NUDT13: variants seen among roughly 807,000 people sequenced by gnomAD.
NUDT13 encodes nudix hydrolase 13.
A neutral mutation model predicts 41.7 loss-of-function variants in NUDT13; 40 were observed. That is an observed-to-expected ratio of 0.96 (90% CI 0.75 to 1.25). NUDT13 has a LOEUF of 1.25. NUDT13 is among the 50% of genes most tolerant of loss of function. NUDT13 has a pLI of 0.00. For missense variants in NUDT13, 390 were observed against 416.1 expected, an observed-to-expected ratio of 0.94 and a Z score of 0.55; for synonymous variants, 145 against 155.5, an observed-to-expected ratio of 0.93 and a Z score of 0.50.
chr10:73,119,899 AT>A, intron 2 of NUDT13, 118 bp from the exon 3 acceptor site: 1 of 1,098,438 alleles, frequency 9.1e-7, no homozygotes, highest in South Asian at 1.5e-5. Flanking sequence ...TAGGTTGTAA[AT>A]AAATAAAGGG....
chr10:73,127,803 G>A (rs1842830195), intron 8 of NUDT13, among the ~76,000 whole-genome samples: 1 of 145,920 alleles, frequency 6.9e-6, no homozygotes, highest in Non-Finnish European at 1.5e-5. Flanking sequence ...AAATTTTTAT[G>A]TGTATAATAT....
In NUDT13 at chr10:73,131,072, T is replaced by G; in HGVS notation, c.*169T>G. 1.9e-6 allele frequency: 1 copy of G among 530,292 alleles called. No homozygotes were observed. 32.8% of individuals were successfully genotyped at this position (530,292 alleles called of 1,614,324 possible). A position where few individuals can be genotyped will look rare whatever the true frequency, so the allele number is the denominator to read the frequency against. On this transcript the variant is annotated 3_prime_UTR_variant, in exon 9 of 9. Transcript: ENST00000357321. ...CTATCAGCAGTGTTAATGGAAGAAA[T>G]TCCTACCAATGGGCAATCAAAAAAG...
intron 7 of NUDT13, chr10:73,126,350 A>G (rs1249554362): frequency 4.4e-6 from 1 of 227,752 alleles, no homozygotes. Context: ...GCTAGAATTC[A>G]GTATTTATTT....
At chr10:73,114,047 A>C (rs939183960) in intron 1 of NUDT13, among the ~76,000 whole-genome samples, 5 of 152,172 alleles carry the variant, frequency 3.3e-5, no homozygotes, top group South Asian at 4.1e-4. Context: ...CTTCTGAAAA[A>C]ATTTCCTAAT....
rs1199374867 is a variant in NUDT13 at position 73,130,945 on chromosome 10, G to A, written c.*42G>A. On this transcript the variant is annotated 3_prime_UTR_variant, in exon 9 of 9. Transcript: ENST00000357321. ...TAGATCGCTCCTTGGTATTCCTGAGGGACAAACTAGAGATCAGTTGACAAA... is the reference window on the plus strand; with the variant it reads ...TAGATCGCTCCTTGGTATTCCTGAGAGACAAACTAGAGATCAGTTGACAAA... 1 of 1,516,890 alleles carries A rather than the reference G, an allele frequency of 6.6e-7. No individual in the cohort carries two copies. The highest frequency in any genetic ancestry group is 1.1e-5 in the South Asian group (1 of 88,626). 94.0% of individuals were successfully genotyped at this position (1,516,890 alleles called of 1,614,324 possible).
At position 73,122,189 on chromosome 10, in the gene NUDT13, C is replaced by G; in HGVS notation, c.238C>G (p.Leu80Val). 19 of 1,612,834 alleles carry G rather than the reference C, an allele frequency of 1.2e-5. No homozygotes were observed. The highest frequency in any genetic ancestry group is 1.4e-5 in the Non-Finnish European group (17 of 1,179,696). ...CTGTTTCTTAGAGTTGGAAAGGCTCCTGGGTAAATTTGGACAGGATGCACA... is the reference window on the plus strand; with the variant it reads ...CTGTTTCTTAGAGTTGGAAAGGCTCGTGGGTAAATTTGGACAGGATGCACA... ...RHSLLELERL[L>V]GKFGQDAQRI... Residue 80 changes from leucine to valine, a missense_variant, in exon 4 of 9, where the codon CTG becomes GTG. Transcript: ENST00000357321.
rs749465581 is a variant in NUDT13 at position 73,126,700 on chromosome 10, G to A, written c.731G>A (p.Arg244Gln). ...IGESVEETIR[R>Q]EVAEEVGLEV... ...GAAAGTGTGGAAGAGACCATCCGCC[G>A]AGAAGTTGCAGAAGAGGTGGGATTG... The change falls in exon 8 of 9, where the codon CGA (arginine) becomes CAA (glutamine). Residue 244 changes from arginine to glutamine, a missense_variant. Arg to Gln is a conservative substitution (Grantham distance 43, BLOSUM62 1). Coordinates refer to ENST00000357321, the MANE Select transcript of NUDT13 (RefSeq NM_015901.6). 1.4e-5 allele frequency: 22 copies of A among 1,614,118 alleles called. No homozygotes were observed. The highest frequency in any genetic ancestry group is 2.2e-5 in the East Asian group (1 of 44,882).
chr10:73,114,361 TG>T lies in NUDT13; in HGVS notation c.-4del. On this transcript the variant is annotated 5_prime_UTR_variant, in exon 2 of 9. Coordinates refer to ENST00000357321, the MANE Select transcript of NUDT13 (RefSeq NM_015901.6). ...CTCCTTTTTTTTTTTTTTAAGGACC[TG>T]ACAATGTCCCTGTATTGTGGAATAG... The T allele has an allele frequency of 6.7e-7, 1 of 1,501,392 alleles. No homozygotes were observed. Among genetic ancestry groups the T allele is most frequent in the Non-Finnish European group, 9.1e-7 (1 of 1,104,606 alleles). 93.0% of individuals were successfully genotyped at this position (1,501,392 alleles called of 1,614,324 possible). A position where few individuals can be genotyped will look rare whatever the true frequency, so the allele number is the denominator to read the frequency against.
chr10:73,125,653 A>T (rs916312574), intron 7 of NUDT13, 144 bp downstream of exon 7: 10 of 98,286 alleles, frequency 1.0e-4, no homozygotes, highest in Non-Finnish European at 1.3e-4. Context: ...CTGGCATTTT[A>T]TATATATATA....
intron 2 of NUDT13, among the ~76,000 whole-genome samples, chr10:73,115,825 G>A (rs1249974340): frequency 2.6e-5 from 4 of 152,016 alleles, no homozygotes; most frequent in African/African-American, 9.7e-5. Context: ...GTGAAAGGTA[G>A]AGTAGGAAAA....
chr10:73,120,570 A>G (rs1434120823), intron 3 of NUDT13, among the ~76,000 whole-genome samples: 2 of 152,204 alleles, frequency 1.3e-5, no homozygotes, highest in African/African-American at 2.4e-5. Context: ...ATCTCTTTCC[A>G]GAAAAAGTTT....
chr10:73,115,454 G>T (rs947586605), intron 2 of NUDT13, among the ~76,000 whole-genome samples: 1 of 151,878 alleles, frequency 6.6e-6, no homozygotes, highest in Non-Finnish European at 1.5e-5. Flanking sequence ...GATTACAGGC[G>T]TAAGTCACCA....
In NUDT13 at chr10:73,130,822, G is replaced by A; in HGVS notation, c.978G>A (p.Trp326Ter). Residue 326 changes from tryptophan to a stop codon, truncating the protein, a stop_gained, in exon 9 of 9, where the codon TGG (tryptophan) becomes TGA (stop). Transcript: ENST00000357321. LOFTEE classifies it high-confidence loss of function. ...AACAGAATGGGACTTTCCCATTCTG[G>A]CTGCCCCCTAAGTTAGCCATCTCCC... ...TQQQNGTFPF[W>*]LPPKLAISHQ... is the part of the protein sequence containing the mutation. 6.2e-7 allele frequency: 1 copy of A among 1,612,190 alleles called. No individual in the cohort carries two copies. Among genetic ancestry groups the A allele is most frequent in the South Asian group, 1.1e-5 (1 of 91,066 alleles).
Position 73,130,793 on chromosome 10 carries a change from CAGCAA to C in NUDT13, c.950_954del (p.Gln317ProfsTer12). ...CCTGAAGAGAAAGGGCCCCTATACT[CAGCAA>C]CAGAATGGGACTTTCCCATTCTGGC... On this transcript the variant is annotated frameshift_variant, in exon 9 of 9. Coordinates refer to ENST00000357321, the MANE Select transcript of NUDT13 (RefSeq NM_015901.6). LOFTEE classifies it high-confidence loss of function. 1 of 1,613,832 alleles carries C rather than the reference CAGCAA, an allele frequency of 6.2e-7. No individual in the cohort carries two copies. Among genetic ancestry groups the C allele is most frequent in the Non-Finnish European group, 8.5e-7 (1 of 1,179,928 alleles).
chr10:73,123,906 G>A (rs1415588725), intron 4 of NUDT13, among the ~76,000 whole-genome samples: 1 of 152,012 alleles, frequency 6.6e-6, no homozygotes, highest in Non-Finnish European at 1.5e-5. Flanking sequence ...TGATTCACCC[G>A]CCTCGGCCTC....
rs1842909102 is a variant in NUDT13, at chr10:73,131,153, G to C, written c.*250G>C. On this transcript the variant is annotated 3_prime_UTR_variant, in exon 9 of 9. Transcript: ENST00000357321. ...AACTGTCAAAAATCAGGGGGAAGGG[G>C]GAAGCATTAGTTTGGATGTAGGCCC... 1 of 385,920 alleles carries C rather than the reference G, an allele frequency of 2.6e-6. No individual in the cohort carries two copies. Among genetic ancestry groups the C allele is most frequent in the Non-Finnish European group, 5.0e-6 (1 of 201,962 alleles). 23.9% of individuals were successfully genotyped at this position (385,920 alleles called of 1,614,324 possible).
At chr10:73,119,893 T>C in intron 2 of NUDT13, 125 bp from the exon 3 acceptor site, 1 of 1,036,440 alleles carries the variant, frequency 9.6e-7, no homozygotes, top group Non-Finnish European at 1.4e-6. Context: ...GCAAATTAGG[T>C]TGTAAATAAA....
chr10:73,119,873 C>T lies in NUDT13; in HGVS notation c.84-145C>T, dbSNP rs1842600640. ...ATGATTATCTATAGCCACCTCAAAC[C>T]CTTTTTGGAGCAAATTAGGTTGTAA... On this transcript the variant is annotated intron_variant, in intron 2 of 8. Coordinates refer to ENST00000357321, the MANE Select transcript of NUDT13 (RefSeq NM_015901.6). 6 of 842,808 alleles carry T rather than the reference C, an allele frequency of 7.1e-6. No individual in the cohort carries two copies. In the South Asian group the frequency reaches 1.0e-4, roughly 14 times the overall value. 52.2% of individuals were successfully genotyped at this position (842,808 alleles called of 1,614,324 possible). A position where few individuals can be genotyped will look rare whatever the true frequency, so the allele number is the denominator to read the frequency against.
At chr10:73,125,309 A>C in intron 6 of NUDT13, 66 bp downstream of exon 6, 1 of 1,603,260 alleles carries the variant, frequency 6.2e-7, no homozygotes, top group Non-Finnish European at 8.5e-7. Context: ...TGGGGAAGGA[A>C]GCCTGTGCAA....
Sources: allele counts gnomAD v4.1 joint callset (sites outside exome capture counted in the v4.1 genomes callset), GRCh38; gene constraint gnomAD v4.1.1; transcripts MANE v1.5; gene names NCBI Gene and HGNC (gene_info 2026-07-23, HGNC 2026-07-21).